Variants in SYT3 observed in about 807,000 individuals in gnomAD.
SYT3 encodes synaptotagmin 3, also known as synaptotagmin-3.
In SYT3, 25 loss-of-function variants were observed where a neutral mutation model predicts 50.6. The observed-to-expected ratio is 0.49, with a 90% CI of 0.36 to 0.69. SYT3 has a LOEUF of 0.69. SYT3 is among the 30% of genes least tolerant of loss of function. The probability of loss-of-function intolerance (pLI) is 0.00; values close to 1 mark genes in which losing one functional copy is unlikely to be tolerated. For synonymous variants in SYT3, 323 were observed against 353.9 expected, an observed-to-expected ratio of 0.91 and a Z score of 0.98; for missense variants, 589 against 793.6, an observed-to-expected ratio of 0.74 and a Z score of 3.10.
the SYT3 span, chr19:50,656,320 C>T: frequency 2.0e-6 from 3 of 1,536,258 alleles, no homozygotes; most frequent in Middle Eastern, 1.7e-4. Flanking sequence ...AGCTTCCCAG[C>T]CCCTCTGCCT....
rs1455752942 is a variant in SYT3, at chr19:50,632,777, T to C, written c.183A>G (p.Thr61=). The change falls in exon 4 of 11, where the codon ACA becomes ACG. Residue 61 remains threonine, a synonymous_variant. Transcript: ENST00000600079. The surrounding 1 kb of genome is among the most constrained non-coding windows in gnomAD (Gnocchi z 4.7). ...CACCCAGAAGGACAATGCCACAGAATGTCACGATGACCGACAGCAGGCTCA... is the reference window on the plus strand; with the variant it reads ...CACCCAGAAGGACAATGCCACAGAACGTCACGATGACCGACAGCAGGCTCA... ...ISVSLLSVIV[T]FCGIVLLGVS... 8.5e-6 allele frequency: 13 copies of C among 1,523,202 alleles called. No homozygotes were observed. The highest frequency in any genetic ancestry group is 1.1e-5 in the Non-Finnish European group (12 of 1,137,884). The allele number at this position is 1,523,202 out of a possible 1,614,324, so 94.4% of individuals were successfully genotyped here. A position where few individuals can be genotyped will look rare whatever the true frequency, so the allele number is the denominator to read the frequency against.
Position 50,637,472 on chromosome 19 carries a change from T to G in SYT3, c.-15-46A>C. The G allele has an allele frequency of 6.5e-7, 1 of 1,534,748 alleles. No individual in the cohort carries two copies. Among genetic ancestry groups the G allele is most frequent in the Non-Finnish European group, 8.8e-7 (1 of 1,130,400 alleles). On this transcript the variant is annotated intron_variant, in intron 2 of 10. Transcript: ENST00000600079. This position sits in a 1 kb window ranked among gnomAD's most constrained non-coding sequence, Gnocchi z 4.9. ...GCAAGGGTGCAGATGGGAAACAGAATGGGAGTGCAGGGTGGGCAGGTGTGG... is the reference window on the plus strand; with the variant it reads ...GCAAGGGTGCAGATGGGAAACAGAAGGGGAGTGCAGGGTGGGCAGGTGTGG...
chr19:50,638,928 G>A (rs868358), intron 2 of SYT3, 97 bp downstream of exon 2: 21,948 of 152,468 alleles, frequency 0.14, 1,770 homozygotes, highest in Non-Finnish European at 0.18. Flanking sequence ...GGGATGCAGG[G>A]GAATTAGGAA....
At chr19:50,657,691 C>T in the SYT3 span, among the ~76,000 whole-genome samples, 3 of 152,186 alleles carry the variant, frequency 2.0e-5, no homozygotes, top group African/African-American at 7.2e-5. Context: ...GTAAAGTTGG[C>T]TAAGTTGGTG....
In SYT3 at chr19:50,632,271, A is replaced by C. The variant is rs1254288310; in HGVS notation, c.674+15T>G. 1 of 1,546,370 alleles carries C rather than the reference A, an allele frequency of 6.5e-7. No homozygotes were observed. Among genetic ancestry groups the C allele is most frequent in the South Asian group, 1.2e-5 (1 of 81,626 alleles). On this transcript the variant is annotated intron_variant, in intron 4 of 10. Transcript: ENST00000600079. The surrounding 1 kb of genome is among the most constrained non-coding windows in gnomAD (Gnocchi z 4.7). ...GAAGTTCAGAGTGGACCCCCAACCC[A>C]GTATCCTCTCTCACCTGGTAGTGGG...
At chr19:50,655,452 C>A in the SYT3 span, among the ~76,000 whole-genome samples, 1 of 152,104 alleles carries the variant, frequency 6.6e-6, no homozygotes, top group African/African-American at 2.4e-5. Flanking sequence ...AGATTGAGAT[C>A]ATCCTGGCTA....
chr19:50,632,741 G>A lies in SYT3; in HGVS notation c.219C>T (p.Phe73=), dbSNP rs188802553. 13 of 1,560,036 alleles carry A rather than the reference G, an allele frequency of 8.3e-6. No homozygotes were observed. The highest frequency in any genetic ancestry group is 1.7e-4 in the Middle Eastern group (1 of 5,856). Residue 73 remains phenylalanine (F), a synonymous_variant, in exon 4 of 11, where the codon TTC becomes TTT. Coordinates refer to ENST00000600079, the MANE Select transcript of SYT3 (RefSeq NM_001160329.2). This position sits in a 1 kb window ranked among gnomAD's most constrained non-coding sequence, Gnocchi z 4.7. The part of the protein sequence containing the change: ...CGIVLLGVSL[F]VSWKLCWVPW... ...GCACCCAGCACAACTTCCAGGACAC[G>A]AAGAGAGAGACACCCAGAAGGACAA...
intron 4 of SYT3, 120 bp from the exon 5 acceptor site, chr19:50,630,291 TC>T: frequency 9.8e-7 from 1 of 1,024,972 alleles, no homozygotes; most frequent in Non-Finnish European, 1.4e-6. Flanking sequence ...TGGCCACAAG[TC>T]CCCTCCTTTG....
chr19:50,628,809 T>A (rs1308180876), intron 6 of SYT3, among the ~76,000 whole-genome samples: 1 of 149,940 alleles, frequency 6.7e-6, no homozygotes, highest in Non-Finnish European at 1.5e-5. Context: ...TGGTGTCCAC[T>A]GTATCATTAT....
In SYT3 at chr19:50,632,639, T is replaced by A; in HGVS notation, c.321A>T (p.Ala107=). 1 of 1,583,046 alleles carries A rather than the reference T, an allele frequency of 6.3e-7. No individual in the cohort carries two copies. Among genetic ancestry groups the A allele is most frequent in the Non-Finnish European group, 8.6e-7 (1 of 1,164,484 alleles). ...RKDLGPGVGL[A]GLVGGGGHHL... is the part of the protein sequence containing the mutation. ...GGTGCCCGCCTCCGCCTACCAGGCC[T>A]GCCAGCCCGACACCAGGGCCTAGGT... is the stretch of plus-strand genomic sequence containing the variant. The change falls in exon 4 of 11, where the codon GCA becomes GCT. Residue 107 remains alanine, a synonymous_variant. Transcript: ENST00000600079. This position sits in a 1 kb window ranked among gnomAD's most constrained non-coding sequence, Gnocchi z 4.7.
chr19:50,649,838 T>G, the SYT3 span: 2 of 489,154 alleles, frequency 4.1e-6, no homozygotes, highest in East Asian at 5.8e-5. Context: ...GCTCAGCATC[T>G]TCCCCCAAAG....
At chr19:50,629,730 A>G (rs1488097430) in intron 5 of SYT3, 54 bp downstream of exon 5, 5 of 1,544,284 alleles carry the variant, frequency 3.2e-6, no homozygotes, top group Non-Finnish European at 3.5e-6. Flanking sequence ...CCGGGAGTCC[A>G]GAGCCCTAGC....
At chr19:50,628,968 CAT>C (rs1984174423) in intron 6 of SYT3, among the ~76,000 whole-genome samples, 1 of 151,952 alleles carries the variant, frequency 6.6e-6, no homozygotes, top group African/African-American at 2.4e-5. Flanking sequence ...GGATTACAGG[CAT>C]GTGCCACCAT....
rs1024954178 is a variant in SYT3, at chr19:50,637,104, T to G, written c.148+160A>C. Among the ~76,000 whole-genome samples, 4 of 152,004 alleles carry G rather than the reference T, an allele frequency of 2.6e-5. No homozygotes were observed. The South Asian group carries it at 8.3e-4, about 32-fold the overall frequency. On this transcript the variant is annotated intron_variant, in intron 3 of 10. Transcript: ENST00000600079. The surrounding 1 kb of genome is among the most constrained non-coding windows in gnomAD (Gnocchi z 4.9). ...AAGCAGACCACACAGCTCCTTCCCC[T>G]TGGATCAGAGATTTGGGAGAAGGGC...
upstream of SYT3, among the ~76,000 whole-genome samples, chr19:50,640,903 A>T (rs1365335767): frequency 6.6e-6 from 1 of 152,156 alleles, no homozygotes; most frequent in African/African-American, 2.4e-5. Context: ...GCTCTCAATC[A>T]GTGACATCCA....
In SYT3 at chr19:50,625,071, A is replaced by G. The variant is rs1199257949; in HGVS notation, c.1707+91T>C. ...GAAACCTAGGACGCCTGGCTCTGCG[A>G]CTCACGAACATGCAGGGCGTTCGTT... is the stretch of plus-strand genomic sequence containing the variant. On this transcript the variant is annotated intron_variant, in intron 9 of 10. Transcript: ENST00000600079. The surrounding 1 kb of genome is among the most constrained non-coding windows in gnomAD (Gnocchi z 7.5). The G allele has an allele frequency of 7.6e-7, 1 of 1,320,188 alleles. No individual in the cohort carries two copies. The allele number at this position is 1,320,188 out of a possible 1,614,324, so 81.8% of individuals were successfully genotyped here.
chr19:50,626,765 G>GAT (rs1406618634), intron 6 of SYT3, among the ~76,000 whole-genome samples: 5 of 150,444 alleles, frequency 3.3e-5, no homozygotes, highest in South Asian at 2.1e-4. Flanking sequence ...AAGAGAGAGA[G>GAT]ATATATATAG....
At chr19:50,634,700 G>A (rs1162006465) in intron 3 of SYT3, among the ~76,000 whole-genome samples, 4 of 148,816 alleles carry the variant, frequency 2.7e-5, no homozygotes, top group African/African-American at 5.0e-5. Context: ...TCCTGTGCCT[G>A]AGCCTCCTGA....
chr19:50,635,745 C>T (rs2123019942), intron 3 of SYT3, among the ~76,000 whole-genome samples: 1 of 152,302 alleles, frequency 6.6e-6, no homozygotes, highest in South Asian at 2.1e-4. Flanking sequence ...AAACCCTGCC[C>T]ACCAAGGCTC....
Sources: gnomAD v4.1 joint callset for allele counts (sites outside exome capture counted in the v4.1 genomes callset) on GRCh38, gnomAD v4.1.1 for gene constraint, Gnocchi (gnomAD v3.1) non-coding constraint, MANE v1.5 for transcripts, NCBI Gene and HGNC (gene_info 2026-07-23, HGNC 2026-07-21) for gene names.